Variants in MRPL47 observed in about 807,000 individuals in gnomAD.
The protein encoded by MRPL47 is large ribosomal subunit protein uL29m.
In MRPL47, 31 loss-of-function variants were observed where a neutral mutation model predicts 34.0. That is an observed-to-expected ratio of 0.91 (90% CI 0.68 to 1.23). The LOEUF (loss-of-function observed/expected upper bound fraction) is 1.23, where lower values mean the gene tolerates loss of function less well. MRPL47 is among the 50% of genes most tolerant of loss of function. The pLI is 0.00. For missense variants in MRPL47, 328 were observed against 285.8 expected (o/e 1.15, Z -1.07); for synonymous variants, 106 against 101.6 (o/e 1.04, Z -0.26).
rs73883567 is a variant in MRPL47 at position 179,591,472 on chromosome 3, A to T, written c.629+1172T>A. ...CTTTAAAAAAAAATCTTAAGTTTGT[A>T]TAGTTACCAGTGAGTGGTTCATGGG... On this transcript the variant is annotated intron_variant, in intron 6 of 6. Coordinates refer to ENST00000476781, the MANE Select transcript of MRPL47 (RefSeq NM_020409.3). Among the ~76,000 whole-genome samples, 651 of 152,310 alleles carry T rather than the reference A, an allele frequency of 4.3e-3. 3 individuals carry two copies. Among genetic ancestry groups the T allele is most frequent in the African/African-American group, 0.015 (618 of 41,572 alleles).
At chr3:179,593,129 T>A (rs1718713347) in intron 5 of MRPL47, among the ~76,000 whole-genome samples, 2 of 152,230 alleles carry the variant, frequency 1.3e-5, no homozygotes, top group Admixed American at 1.3e-4. Context: ...GAGGTTTATT[T>A]ACACCAGGTC....
In MRPL47 at chr3:179,593,824, A is replaced by G; in HGVS notation, c.474T>C (p.Thr158=). 3 of 1,613,766 alleles carry G rather than the reference A, an allele frequency of 1.9e-6. No homozygotes were observed. The highest frequency in any genetic ancestry group is 2.5e-6 in the Non-Finnish European group (3 of 1,179,696). Residue 158 remains threonine (T), a synonymous_variant, in exon 5 of 7, where the codon ACT becomes ACC. Coordinates refer to ENST00000476781, the MANE Select transcript of MRPL47 (RefSeq NM_020409.3). The part of the protein sequence containing the change: ...EREDALRLLQ[T]GQERARPGAW... ...CACCAGGTCTAGCTCTTTCTTGACC[A>G]GTCTGAAGAAGCCTTAGGGCATCTT... is the stretch of plus-strand genomic sequence containing the variant.
Position 179,604,576 on chromosome 3 carries a change from G to T in MRPL47, c.49C>A (p.Leu17Met). 1 of 1,614,154 alleles carries T rather than the reference G, an allele frequency of 6.2e-7. No individual in the cohort carries two copies. The highest frequency in any genetic ancestry group is 1.1e-5 in the South Asian group (1 of 91,084). ...ALLCRRVSSA[L>M]KSSRSLITPQ... ...GTTATTAACGATCGGGAAGATTTCA[G>T]GGCGGATGAAACTCTCCTACAAAGA... Residue 17 changes from leucine to methionine, a missense_variant, in exon 1 of 7, where the codon CTG (leucine) becomes ATG (methionine). By Grantham distance (15) the Leu-to-Met change is conservative. Transcript: ENST00000476781.
chr3:179,597,057 T>C (rs1718803852), intron 4 of MRPL47, among the ~76,000 whole-genome samples: 1 of 152,198 alleles, frequency 6.6e-6, no homozygotes. Context: ...GAAAAAATAC[T>C]GTGTATGGAG....
chr3:179,588,978 C>G lies in MRPL47; in HGVS notation c.647G>C (p.Arg216Pro). The change falls in exon 7 of 7, where the codon CGA becomes CCA. Residue 216 changes from arginine (R) to proline (P), a missense_variant. Transcript: ENST00000476781. ...DHFLRLEREK[R>P]ARIKARKENL... Reference sequence around the variant, plus strand: ...TTCCTTCCGTGCTTTGATGCGGGCTCGTTTCTCACGTTCCAGTCTAGAATA... The same window carrying G: ...TTCCTTCCGTGCTTTGATGCGGGCTGGTTTCTCACGTTCCAGTCTAGAATA... 1 of 1,611,574 alleles carries G rather than the reference C, an allele frequency of 6.2e-7. No individual in the cohort carries two copies. Among genetic ancestry groups the G allele is most frequent in the South Asian group, 1.1e-5 (1 of 90,650 alleles).
chr3:179,596,311 C>T (rs7613710), intron 4 of MRPL47, among the ~76,000 whole-genome samples: 13,791 of 152,164 alleles, frequency 0.091, 674 homozygotes, highest in South Asian at 0.17. Flanking sequence ...TCCAAATCTT[C>T]GGTTTCTATC....
chr3:179,599,356 G>C (rs1207172712), intron 3 of MRPL47, among the ~76,000 whole-genome samples: 1 of 152,240 alleles, frequency 6.6e-6, no homozygotes, highest in Non-Finnish European at 1.5e-5. Flanking sequence ...GTGGAGAGTA[G>C]AGAAGGCAGA....
At chr3:179,593,946 T>C (rs1718734303) in intron 4 of MRPL47, 51 bp from the exon 5 acceptor site, 9 of 1,549,962 alleles carry the variant, frequency 5.8e-6, no homozygotes, top group Non-Finnish European at 7.9e-6. Context: ...ACTACAAAAT[T>C]CCCAAAAAAG....
chr3:179,591,560 T>C (rs1718671703), intron 6 of MRPL47, among the ~76,000 whole-genome samples: 1 of 152,178 alleles, frequency 6.6e-6, no homozygotes, highest in Non-Finnish European at 1.5e-5. Context: ...ATAAACCTAA[T>C]GCAGGAAAAA....
chr3:179,592,662 T>G lies in MRPL47; in HGVS notation c.611A>C (p.Tyr204Ser), dbSNP rs1361730388. 4.3e-6 allele frequency: 7 copies of G among 1,612,214 alleles called. No individual in the cohort carries two copies. Among genetic ancestry groups the G allele is most frequent in the Non-Finnish European group, 5.9e-6 (7 of 1,178,364 alleles). ...YNRKRFFALP[Y>S]VDHFLRLERE... ...TGCTCACCTGAGAAAATGGTCCACATAAGGCAAGGCAAAGAATCGTTTCCT... is the reference window on the plus strand; with the variant it reads ...TGCTCACCTGAGAAAATGGTCCACAGAAGGCAAGGCAAAGAATCGTTTCCT... Residue 204 changes from tyrosine to serine, a missense_variant, in exon 6 of 7, where the codon TAT becomes TCT. Coordinates refer to ENST00000476781, the MANE Select transcript of MRPL47 (RefSeq NM_020409.3).
intron 3 of MRPL47, 74 bp from the exon 4 acceptor site, chr3:179,598,845 A>G (rs953219772): frequency 1.3e-5 from 14 of 1,092,276 alleles, no homozygotes; most frequent in Admixed American, 3.5e-5. Flanking sequence ...CTGACATCAA[A>G]ATTAATTATC....
At chr3:179,593,078 A>G (rs1008838476) in intron 5 of MRPL47, among the ~76,000 whole-genome samples, 1 of 151,924 alleles carries the variant, frequency 6.6e-6, no homozygotes, top group Non-Finnish European at 1.5e-5. Flanking sequence ...TTCTGAGGGG[A>G]GGTTTATTTA....
At position 179,604,617 on chromosome 3, in the gene MRPL47, G is replaced by A. The variant is rs1576873689; in HGVS notation, c.8C>T (p.Ala3Val). 1.2e-6 allele frequency: 2 copies of A among 1,614,114 alleles called. No individual in the cohort carries two copies. The highest frequency in any genetic ancestry group is 8.5e-7 in the Non-Finnish European group (1 of 1,180,000). MA[A>V]AGLALLCRRV... The stretch of plus-strand genomic sequence containing the variant: ...CCTACAAAGAAGGGCCAAACCGGCC[G>A]CAGCCATGTTTTCGCATAACTGGCA... The change falls in exon 1 of 7, where the codon GCG becomes GTG. Residue 3 changes from alanine to valine, a missense_variant. Physicochemically the swap from Ala to Val is moderately conservative, Grantham distance 64 (BLOSUM62 0). Coordinates refer to ENST00000476781, the MANE Select transcript of MRPL47 (RefSeq NM_020409.3).
In MRPL47 at chr3:179,596,687, G is replaced by A. The variant is rs757071151; in HGVS notation, c.402+1988C>T. 7.9e-5 allele frequency among the ~76,000 whole-genome samples: 12 copies of A among 151,972 alleles called. No individual in the cohort carries two copies. The South Asian group carries it at 8.3e-4, about 11-fold the overall frequency. On this transcript the variant is annotated intron_variant, in intron 4 of 6. Coordinates refer to ENST00000476781, the MANE Select transcript of MRPL47 (RefSeq NM_020409.3). Reference sequence around the variant, plus strand: ...TATTTATTGAGACAGGGTCTTGCTCGGTCACCCAGCCTAGAGTTTGGTGGT... The same window carrying A: ...TATTTATTGAGACAGGGTCTTGCTCAGTCACCCAGCCTAGAGTTTGGTGGT...
At chr3:179,597,488 C>A (rs545354258) in intron 4 of MRPL47, among the ~76,000 whole-genome samples, 5 of 152,232 alleles carry the variant, frequency 3.3e-5, no homozygotes, top group Admixed American at 6.5e-5. Context: ...TTGAAAGCAT[C>A]GAGTAAAAAC....
chr3:179,592,857 C>T (rs1414453267), intron 5 of MRPL47, 118 bp from the exon 6 acceptor site: 1 of 654,786 alleles, frequency 1.5e-6, no homozygotes, highest in Non-Finnish European at 2.7e-6. Flanking sequence ...AAAACATAAA[C>T]ATTTTTAGTG....
Position 179,588,484 on chromosome 3 carries a change from G to T in MRPL47, c.*388C>A. On this transcript the variant is annotated 3_prime_UTR_variant, in exon 7 of 7. Coordinates refer to ENST00000476781, the MANE Select transcript of MRPL47 (RefSeq NM_020409.3). Reference sequence around the variant, plus strand: ...TCATTATTTTGAATCAAAGTCCTCCGTTTATTAACAGCAATACCCACATCC... The same window carrying T: ...TCATTATTTTGAATCAAAGTCCTCCTTTTATTAACAGCAATACCCACATCC... The T allele has an allele frequency of 5.7e-6, 1 of 174,770 alleles. No individual in the cohort carries two copies. 10.8% of individuals were successfully genotyped at this position (174,770 alleles called of 1,614,324 possible).
chr3:179,588,876 A>T lies in MRPL47; in HGVS notation c.749T>A (p.Val250Asp), dbSNP rs1718592044. ...HLAEAQKSSL[V>D] Reference sequence around the variant, plus strand: ...AAATTTAATAGTTCAGACATCTTAGACAAGACTTGACTTTTGGGCTTCAGC... The same window carrying T: ...AAATTTAATAGTTCAGACATCTTAGTCAAGACTTGACTTTTGGGCTTCAGC... The change falls in exon 7 of 7, where the codon GTC (valine) becomes GAC (aspartate). Residue 250 changes from valine to aspartate, a missense_variant. Val to Asp is a radical substitution (Grantham distance 152). Coordinates refer to ENST00000476781, the MANE Select transcript of MRPL47 (RefSeq NM_020409.3). 3 of 1,613,224 alleles carry T rather than the reference A, an allele frequency of 1.9e-6. No homozygotes were observed. The highest frequency in any genetic ancestry group is 2.5e-6 in the Non-Finnish European group (3 of 1,179,632).
At chr3:179,603,500 T>C (rs968324669) in intron 1 of MRPL47, among the ~76,000 whole-genome samples, 2 of 151,984 alleles carry the variant, frequency 1.3e-5, no homozygotes, top group African/African-American at 2.4e-5. Context: ...GATCACACCA[T>C]TGCACTCCAG....
Sources: allele counts gnomAD v4.1 joint callset (sites outside exome capture counted in the v4.1 genomes callset), GRCh38; gene constraint gnomAD v4.1.1; transcripts MANE v1.5; gene names NCBI Gene and HGNC (gene_info 2026-07-23, HGNC 2026-07-21).